Variants in SPAG16 observed in about 807,000 individuals in gnomAD.
SPAG16 encodes sperm associated antigen 16.
In SPAG16, 86 loss-of-function variants were observed where a neutral mutation model predicts 80.4. That is an observed-to-expected ratio of 1.07 (90% CI 0.90 to 1.28). The LOEUF (loss-of-function observed/expected upper bound fraction) is 1.28. SPAG16 is among the 50% of genes most tolerant of loss of function. The pLI is 0.00. For missense variants in SPAG16, 870 were observed against 765.3 expected (o/e 1.14, Z -1.61); for synonymous variants, 294 against 265.9 (o/e 1.11, Z -1.03).
chr2:213,958,695 A>G (rs1260237748), intron 12 of SPAG16, among the ~76,000 whole-genome samples: 1 of 152,154 alleles, frequency 6.6e-6, no homozygotes, highest in East Asian at 1.9e-4. Flanking sequence ...AGAAAACATA[A>G]TGTGGAGTTA....
intron 10 of SPAG16, among the ~76,000 whole-genome samples, chr2:213,529,677 A>G (rs1181992317): frequency 6.6e-6 from 1 of 152,208 alleles, no homozygotes; most frequent in African/African-American, 2.4e-5. Context: ...TAAATACTCT[A>G]GGCAACTGTA....
rs188594053 is a variant in SPAG16, at chr2:213,292,260, C to T, written c.137-3804C>T. ...GCTTTTCTGGAGACATACAAATGACCGCTTACAAAATTACTTTCTAGGAGC... is the reference window on the plus strand; with the variant it reads ...GCTTTTCTGGAGACATACAAATGACTGCTTACAAAATTACTTTCTAGGAGC... On this transcript the variant is annotated intron_variant, in intron 1 of 15. Coordinates refer to ENST00000331683, the MANE Select transcript of SPAG16 (RefSeq NM_024532.5). Among the ~76,000 whole-genome samples, 331 of 152,182 alleles carry T rather than the reference C, an allele frequency of 2.2e-3. 3 individuals are homozygous for T. Among genetic ancestry groups the T allele is most frequent in the African/African-American group, 7.7e-3 (319 of 41,524 alleles).
intron 14 of SPAG16, among the ~76,000 whole-genome samples, chr2:214,140,534 A>T (rs994684683): frequency 6.6e-6 from 1 of 151,898 alleles, no homozygotes; most frequent in Non-Finnish European, 1.5e-5. Flanking sequence ...ATTCTGATGG[A>T]CTTGTATTAC....
chr2:213,303,072 A>G (rs1310655122), intron 3 of SPAG16, among the ~76,000 whole-genome samples: 1 of 152,070 alleles, frequency 6.6e-6, no homozygotes, highest in African/African-American at 2.4e-5. Context: ...ACTTCCAACT[A>G]TATTTTGCCC....
chr2:213,630,773 C>T (rs932572056), intron 10 of SPAG16, among the ~76,000 whole-genome samples: 2 of 152,040 alleles, frequency 1.3e-5, no homozygotes, highest in Non-Finnish European at 2.9e-5. Flanking sequence ...CTGACTAGTA[C>T]CTGGAAGAAC....
chr2:213,952,352 A>G (rs2079833015), intron 12 of SPAG16, among the ~76,000 whole-genome samples: 1 of 152,004 alleles, frequency 6.6e-6, no homozygotes, highest in Non-Finnish European at 1.5e-5. Flanking sequence ...GTTTATAGAG[A>G]TTTTTGGTCA....
chr2:213,336,389 A>G (rs945239886), intron 5 of SPAG16, among the ~76,000 whole-genome samples: 5 of 125,046 alleles, frequency 4.0e-5, no homozygotes, highest in Non-Finnish European at 8.5e-5. Flanking sequence ...CAGGGGGCCA[A>G]GTGGCCTCAC....
At chr2:214,179,449 T>G (rs2057239215) in intron 15 of SPAG16, among the ~76,000 whole-genome samples, 1 of 151,472 alleles carries the variant, frequency 6.6e-6, no homozygotes, top group Non-Finnish European at 1.5e-5. Context: ...AAAGACCATC[T>G]GTTTGCAGCC....
intron 15 of SPAG16, among the ~76,000 whole-genome samples, chr2:214,297,231 T>C (rs1477228102): frequency 1.3e-5 from 2 of 152,162 alleles, no homozygotes; most frequent in Non-Finnish European, 2.9e-5. Flanking sequence ...GGAGTCATAA[T>C]TTGCAATTAT....
At chr2:213,590,577 A>G (rs918770944) in intron 10 of SPAG16, among the ~76,000 whole-genome samples, 3 of 152,216 alleles carry the variant, frequency 2.0e-5, no homozygotes, top group African/African-American at 4.8e-5. Flanking sequence ...CATCAGAAAG[A>G]TGCTAATCAG....
intron 15 of SPAG16, among the ~76,000 whole-genome samples, chr2:214,270,077 T>A (rs1249007051): frequency 6.6e-6 from 1 of 152,168 alleles, no homozygotes; most frequent in Non-Finnish European, 1.5e-5. Flanking sequence ...CCTTTAAAAT[T>A]GGAATTTCAT....
chr2:214,402,584 G>C (rs1458519748), intron 15 of SPAG16, among the ~76,000 whole-genome samples: 1 of 151,770 alleles, frequency 6.6e-6, no homozygotes, highest in African/African-American at 2.4e-5. Flanking sequence ...AACATAGAAA[G>C]CATAAGCATT....
chr2:213,643,525 C>T (rs1200687889), intron 10 of SPAG16, among the ~76,000 whole-genome samples: 1 of 148,268 alleles, frequency 6.7e-6, no homozygotes, highest in Non-Finnish European at 1.5e-5. Context: ...CTACAACCTT[C>T]TTGTACTTGG....
intron 15 of SPAG16, among the ~76,000 whole-genome samples, chr2:214,396,726 A>G (rs1701405620): frequency 1.3e-5 from 2 of 152,060 alleles, no homozygotes; most frequent in Admixed American, 1.3e-4. Context: ...TCCACAAAAT[A>G]ATTTTTATCT....
At chr2:214,085,424 G>C (rs2051671277) in intron 13 of SPAG16, among the ~76,000 whole-genome samples, 1 of 143,290 alleles carries the variant, frequency 7.0e-6, no homozygotes, top group Non-Finnish European at 1.5e-5. Context: ...AAGAAGAAAA[G>C]AGAGTTATCA....
chr2:213,693,106 A>G (rs1353976861), intron 10 of SPAG16, among the ~76,000 whole-genome samples: 2 of 152,142 alleles, frequency 1.3e-5, no homozygotes, highest in Admixed American at 1.3e-4. Context: ...TGCCAAGCAC[A>G]CTCTGTAAGC....
At chr2:213,407,623 GAGAGAGA>G (rs2068696752) in intron 9 of SPAG16, among the ~76,000 whole-genome samples, 1 of 133,454 alleles carries the variant, frequency 7.5e-6, no homozygotes, top group African/African-American at 2.6e-5. Flanking sequence ...GAGAGAGAGA[GAGAGAGA>G]GAGAGAGAGA....
chr2:213,906,830 A>G (rs915253754), intron 11 of SPAG16, among the ~76,000 whole-genome samples: 2 of 152,160 alleles, frequency 1.3e-5, no homozygotes, highest in African/African-American at 4.8e-5. Context: ...ATAAAACTAG[A>G]CTTCTATCTC....
chr2:213,606,097 A>G (rs1574469992), intron 10 of SPAG16, among the ~76,000 whole-genome samples: 1 of 152,312 alleles, frequency 6.6e-6, no homozygotes, highest in Admixed American at 6.5e-5. Context: ...GGTTTCTTCC[A>G]TTAACATAAT....
Sources: gnomAD v4.1 joint callset for allele counts (sites outside exome capture counted in the v4.1 genomes callset) on GRCh38, gnomAD v4.1.1 for gene constraint, MANE v1.5 for transcripts, NCBI Gene and HGNC (gene_info 2026-07-23, HGNC 2026-07-21) for gene names.